SPTB: variants seen among roughly 807,000 people sequenced by gnomAD.
SPTB encodes spectrin beta chain, erythrocytic.
SPTB carries 45 observed loss-of-function variants against 256.2 expected under a neutral mutation model. The observed-to-expected ratio is 0.18, with a 90% CI of 0.14 to 0.23. The LOEUF is 0.23. Ranked by LOEUF, SPTB falls within the 10% of genes least tolerant of loss-of-function variation. The probability of loss-of-function intolerance (pLI) is 1.00; values close to 1 mark genes in which losing one functional copy is unlikely to be tolerated. For missense variants in SPTB, 2,715 were observed against 3,040.4 expected (o/e 0.89, Z 2.52); for synonymous variants, 1,231 against 1,243.1 (o/e 0.99, Z 0.21).
chr14:64,787,007 G>A lies in SPTB; in HGVS notation c.2958C>T (p.Asp986=). Reference sequence around the variant, plus strand: ...TCTGGATGGCGATGATACCTGCCAGGTCCCGCCCCAGGTCTTTTGTGGACT... The same window carrying A: ...TCTGGATGGCGATGATACCTGCCAGATCCCGCCCCAGGTCTTTTGTGGACT... ...VVESTKDLGR[D]LAGIIAIQRK... The change falls in exon 16 of 36, where the codon GAC becomes GAT. Residue 986 remains aspartate, a synonymous_variant. Transcript: ENST00000644917. 6.2e-7 allele frequency: 1 copy of A among 1,614,086 alleles called. No homozygotes were observed. The highest frequency in any genetic ancestry group is 1.3e-5 in the African/African-American group (1 of 75,030).
chr14:64,825,793 G>A lies in SPTB; in HGVS notation c.-51-2648C>T, dbSNP rs2083370482. On this transcript the variant is annotated intron_variant, in intron 1 of 35. Transcript: ENST00000644917. This position sits in a 1 kb window ranked among gnomAD's most constrained non-coding sequence, Gnocchi z 4.8. ...TGAGCCTGAGCAGGCCGACCAGCAG[G>A]CCCAGCGTTCAAGACAAGATTGATG... is the stretch of plus-strand genomic sequence containing the variant. Among the ~76,000 whole-genome samples the A allele has an allele frequency of 6.6e-6, 1 of 152,224 alleles. No individual in the cohort carries two copies. The highest frequency in any genetic ancestry group is 1.5e-5 in the Non-Finnish European group (1 of 68,044).
rs2082336246 is a variant in SPTB, at chr14:64,775,063, G to A, written c.4842+62C>T. On this transcript the variant is annotated intron_variant, in intron 23 of 35. Coordinates refer to ENST00000644917, the MANE Select transcript of SPTB (RefSeq NM_001355436.2). This position sits in a 1 kb window ranked among gnomAD's most constrained non-coding sequence, Gnocchi z 5.0. Reference sequence around the variant, plus strand: ...GGACTCACAAGGCTCCCTACCGACAGCCAACCTCAACTCTTCCTCTCTGCC... The same window carrying A: ...GGACTCACAAGGCTCCCTACCGACAACCAACCTCAACTCTTCCTCTCTGCC... The A allele has an allele frequency of 6.2e-7, 1 of 1,611,708 alleles. No homozygotes were observed. The highest frequency in any genetic ancestry group is 1.3e-5 in the African/African-American group (1 of 74,878).
In SPTB at chr14:64,826,094, C is replaced by T. The variant is rs1437114056; in HGVS notation, c.-51-2949G>A. ...CTTGTGCCCTCTTCCCCTGCCATGC[C>T]CACCCCAGGCCCTGCCCAGATGGCA... On this transcript the variant is annotated intron_variant, in intron 1 of 35. Transcript: ENST00000644917. The surrounding 1 kb of genome is among the most constrained non-coding windows in gnomAD (Gnocchi z 4.4). Among the ~76,000 whole-genome samples the T allele has an allele frequency of 6.6e-6, 1 of 152,180 alleles. No individual in the cohort carries two copies. The highest frequency in any genetic ancestry group is 2.4e-5 in the African/African-American group (1 of 41,434).
chr14:64,797,391 C>G (rs1245775218), intron 10 of SPTB, among the ~76,000 whole-genome samples: 1 of 139,494 alleles, frequency 7.2e-6, no homozygotes, highest in Non-Finnish European at 1.5e-5. Context: ...CACTTGAGCC[C>G]AGGAGGACGA....
At chr14:64,814,542 G>C (rs960449452) in intron 2 of SPTB, among the ~76,000 whole-genome samples, 9 of 152,138 alleles carry the variant, frequency 5.9e-5, no homozygotes, top group Non-Finnish European at 1.0e-4. Context: ...TTGAGGCAGA[G>C]TCTCCCACTG....
Position 64,769,655 on chromosome 14 carries a change from T to G in SPTB, c.5872A>C (p.Asn1958His). ...INAEIETRSK[N>H]FSACLELGES... ...CCAAGCTCCAGGCAGGCACTGAAGT[T>G]CTTGCTCCGGGTTTCAATCTCTGCA... Residue 1958 changes from asparagine to histidine, a missense_variant, in exon 28 of 36, where the codon AAC (asparagine) becomes CAC (histidine). By Grantham distance (68) the Asn-to-His change is moderately conservative. Around this residue, in one of 4 missense-constraint regions of SPTB, gnomAD observed 2,239 missense variants for 2,384.4 expected, o/e 0.94. Coordinates refer to ENST00000644917, the MANE Select transcript of SPTB (RefSeq NM_001355436.2). 6.2e-7 allele frequency: 1 copy of G among 1,614,154 alleles called. No homozygotes were observed. Among genetic ancestry groups the G allele is most frequent in the African/African-American group, 1.3e-5 (1 of 75,058 alleles).
At position 64,773,953 on chromosome 14, in the gene SPTB, T is replaced by G. The variant is rs573494284; in HGVS notation, c.4973+444A>C. On this transcript the variant is annotated intron_variant, in intron 24 of 35. Transcript: ENST00000644917. ...GGTCTGTGGCCCAGTGGGCTTCCAT[T>G]TATGCAGGATCCACAAAACCTCGCA... Among the ~76,000 whole-genome samples, 4 of 152,242 alleles carry G rather than the reference T, an allele frequency of 2.6e-5. No individual in the cohort carries two copies. The East Asian group carries it at 7.7e-4, about 29-fold the overall frequency.
chr14:64,768,363 T>C lies in SPTB; in HGVS notation c.6023-504A>G, dbSNP rs79017732. 4.1e-3 allele frequency: 829 copies of C among 202,002 alleles called. 3 individuals carry two copies. The highest frequency in any genetic ancestry group is 6.0e-3 in the Non-Finnish European group (582 of 97,814). The allele number at this position is 202,002 out of a possible 1,614,324, so 12.5% of individuals were successfully genotyped here. A position where few individuals can be genotyped will look rare whatever the true frequency, so the allele number is the denominator to read the frequency against. ...CCCAATAGTTATATTTTTTAAGCTATATTTTTCACTAATTAGAACTCTATT... is the reference window on the plus strand; with the variant it reads ...CCCAATAGTTATATTTTTTAAGCTACATTTTTCACTAATTAGAACTCTATT... On this transcript the variant is annotated intron_variant, in intron 29 of 35. Transcript: ENST00000644917.
chr14:64,795,266 G>A lies in SPTB; in HGVS notation c.1644+71C>T, dbSNP rs1338523057. The A allele has an allele frequency of 1.9e-6, 3 of 1,562,762 alleles. No homozygotes were observed. The African/African-American group carries it at 4.0e-5, about 21-fold the overall frequency. ...CTGGGAGGTGTCTAAGGAAGCCTATGCTAACTGCAGGGCCACTGAGACCCA... is the reference window on the plus strand; with the variant it reads ...CTGGGAGGTGTCTAAGGAAGCCTATACTAACTGCAGGGCCACTGAGACCCA... On this transcript the variant is annotated intron_variant, in intron 12 of 35. Transcript: ENST00000644917. This position sits in a 1 kb window ranked among gnomAD's most constrained non-coding sequence, Gnocchi z 6.5.
Position 64,841,740 on chromosome 14 carries a change from CAT to C in SPTB, c.-51-18597_-51-18596del, listed in dbSNP as rs5809251. 6.4e-5 allele frequency among the ~76,000 whole-genome samples: 7 copies of C among 108,976 alleles called. No individual in the cohort carries two copies. Among genetic ancestry groups the C allele is most frequent in the Admixed American group, 8.4e-5 (1 of 11,934 alleles). 71.5% of individuals were successfully genotyped at this position (108,976 alleles called of 152,430 possible). On this transcript the variant is annotated intron_variant, in intron 1 of 35. Coordinates refer to ENST00000644917, the MANE Select transcript of SPTB (RefSeq NM_001355436.2). The surrounding 1 kb of genome is among the most constrained non-coding windows in gnomAD (Gnocchi z 4.6). ...ATCTCCCAGCTGCCCTCTGACATCC[CAT>C]ATATATATATATATTTTTTAAGGGT...
chr14:64,833,416 T>G (rs1010671553), intron 1 of SPTB, among the ~76,000 whole-genome samples: 2 of 152,022 alleles, frequency 1.3e-5, no homozygotes, highest in Non-Finnish European at 2.9e-5. Flanking sequence ...CTGGGCATGG[T>G]GGCGCACACC....
chr14:64,808,725 CT>C (rs1345096242), intron 2 of SPTB, among the ~76,000 whole-genome samples: 1 of 152,158 alleles, frequency 6.6e-6, no homozygotes, highest in Non-Finnish European at 1.5e-5. Flanking sequence ...CACCAATTAA[CT>C]TTTGCAAGCA....
In SPTB at chr14:64,784,489, T is replaced by C. The variant is rs2082528020; in HGVS notation, c.3856-96A>G. ...CCCTGGCTGCAGAAGGAGAAGGCCATGGGGAGGAAGTGCAAGCACAGAAGA... is the reference window on the plus strand; with the variant it reads ...CCCTGGCTGCAGAAGGAGAAGGCCACGGGGAGGAAGTGCAAGCACAGAAGA... On this transcript the variant is annotated intron_variant, in intron 18 of 35. Coordinates refer to ENST00000644917, the MANE Select transcript of SPTB (RefSeq NM_001355436.2). 2.6e-6 allele frequency: 4 copies of C among 1,518,220 alleles called. No homozygotes were observed. In the African/African-American group the frequency reaches 4.1e-5, roughly 16 times the overall value. 94.0% of individuals were successfully genotyped at this position (1,518,220 alleles called of 1,614,324 possible).
chr14:64,782,908 G>A (rs2082497138), intron 19 of SPTB, among the ~76,000 whole-genome samples: 1 of 151,936 alleles, frequency 6.6e-6, no homozygotes, highest in Non-Finnish European at 1.5e-5. Flanking sequence ...GGTTAGACAT[G>A]GCTGGTAGGG....
At chr14:64,773,122 G>A (rs528482491) in intron 25 of SPTB, 98 bp downstream of exon 25, 3 of 1,564,640 alleles carry the variant, frequency 1.9e-6, no homozygotes, top group African/African-American at 2.7e-5. Context: ...CACTGGGGAG[G>A]TTACGTCCTA....
Position 64,773,362 on chromosome 14 carries a change from G to A in SPTB, c.5036C>T (p.Ala1679Val), listed in dbSNP as rs774655120. The A allele has an allele frequency of 5.2e-5, 84 of 1,614,152 alleles. No homozygotes were observed. The highest frequency in any genetic ancestry group is 5.9e-5 in the Non-Finnish European group (70 of 1,180,026). The change falls in exon 25 of 36, where the codon GCG (alanine) becomes GTG (valine). Residue 1679 changes from alanine to valine, a missense_variant. Ala to Val is a moderately conservative substitution (Grantham distance 64). Transcript: ENST00000644917. ...CTCCAGCTTGCGCTTGCGCTCTTCC[G>A]CCACGTCCTTCAGCCCTGCGTAGTG... ...DKHYAGLKDV[A>V]EERKRKLENM...
intron 1 of SPTB, among the ~76,000 whole-genome samples, chr14:64,831,508 C>T (rs757507011): frequency 1.3e-5 from 2 of 152,202 alleles, no homozygotes; most frequent in Non-Finnish European, 2.9e-5. Context: ...AAGGAGACCC[C>T]ACAGGCAAAC....
At chr14:64,854,305 G>A (rs749715716) in intron 1 of SPTB, among the ~76,000 whole-genome samples, 82 of 100,884 alleles carry the variant, frequency 8.1e-4, no homozygotes, top group African/African-American at 2.5e-3. Context: ...TTGAGATGGA[G>A]TCTCACTCTG....
chr14:64,802,774 C>T lies in SPTB; in HGVS notation c.475-457G>A, dbSNP rs988873434. Among the ~76,000 whole-genome samples the T allele has an allele frequency of 2.0e-5, 3 of 152,328 alleles. No homozygotes were observed. The stretch of plus-strand genomic sequence containing the variant: ...GCCCTGTGCCCCAGCAGCCTGCTTC[C>T]CTGCCTCAGTCAGCCAAAATGGCAC... On this transcript the variant is annotated intron_variant, in intron 4 of 35. Transcript: ENST00000644917. This position sits in a 1 kb window ranked among gnomAD's most constrained non-coding sequence, Gnocchi z 5.1.
Sources: gnomAD v4.1 joint callset for allele counts (sites outside exome capture counted in the v4.1 genomes callset) on GRCh38, gnomAD v4.1.1 for gene constraint, gnomAD v4.1.1 regional missense constraint, Gnocchi (gnomAD v3.1) non-coding constraint, MANE v1.5 for transcripts, NCBI Gene and HGNC (gene_info 2026-07-23, HGNC 2026-07-21) for gene names.